MARCHF1: variants seen among roughly 807,000 people sequenced by gnomAD.
MARCHF1 encodes the protein membrane associated ring-CH-type finger 1.
A neutral mutation model predicts 54.2 loss-of-function variants in MARCHF1; 40 were observed. The observed-to-expected ratio is 0.74, with a 90% CI of 0.57 to 0.96. MARCHF1 has a LOEUF of 0.96. Among genes scored for constraint, MARCHF1 ranks in the 40% least tolerant of loss-of-function variants. The pLI is 0.00. For synonymous variants in MARCHF1, 236 were observed against 236.3 expected (o/e 1.00, Z 0.01); for missense variants, 586 against 656.5 (o/e 0.89, Z 1.17).
At chr4:163,759,821 C>A (rs1482293097) in intron 4 of MARCHF1, among the ~76,000 whole-genome samples, 6 of 152,124 alleles carry the variant, frequency 3.9e-5, no homozygotes, top group African/African-American at 7.2e-5. Flanking sequence ...TTTCATCTAA[C>A]TGCACATTTA....
chr4:163,781,077 C>T (rs1410749504), intron 4 of MARCHF1, among the ~76,000 whole-genome samples: 1 of 152,160 alleles, frequency 6.6e-6, no homozygotes, highest in Non-Finnish European at 1.5e-5. Flanking sequence ...GGCACGGTGG[C>T]TCACGCCTAT....
At chr4:163,850,252 A>G (rs2111160296) in intron 4 of MARCHF1, among the ~76,000 whole-genome samples, 1 of 152,328 alleles carries the variant, frequency 6.6e-6, no homozygotes, top group East Asian at 1.9e-4. Flanking sequence ...TCCTAGATCC[A>G]CAGGATCCCA....
At chr4:163,737,980 T>TCAGCGC (rs374591822) in intron 4 of MARCHF1, among the ~76,000 whole-genome samples, 1 of 76,532 alleles carries the variant, frequency 1.3e-5, no homozygotes, top group Admixed American at 1.3e-4. Flanking sequence ...TGCGGCACTA[T>TCAGCGC]TCGCAGCTTT....
chr4:163,966,093 C>T (rs1752438699), intron 3 of MARCHF1, among the ~76,000 whole-genome samples: 1 of 151,946 alleles, frequency 6.6e-6, no homozygotes, highest in Non-Finnish European at 1.5e-5. Context: ...GATTTTGTTT[C>T]AAAGAACTGA....
chr4:163,608,645 C>T (rs1482668702), intron 7 of MARCHF1, among the ~76,000 whole-genome samples: 1 of 151,922 alleles, frequency 6.6e-6, no homozygotes, highest in Non-Finnish European at 1.5e-5. Context: ...AGTTAAATTC[C>T]CTCTAAGGTA....
At chr4:163,755,745 C>G (rs28529074) in intron 4 of MARCHF1, among the ~76,000 whole-genome samples, 16,153 of 151,512 alleles carry the variant, frequency 0.11, 1,692 homozygotes, top group African/African-American at 0.28. Flanking sequence ...GTTATAATAA[C>G]AGAGACAGCA....
At chr4:163,735,664 A>G (rs759337162) in intron 4 of MARCHF1, among the ~76,000 whole-genome samples, 18 of 152,194 alleles carry the variant, frequency 1.2e-4, no homozygotes, top group Non-Finnish European at 1.2e-4. Context: ...ATCACCTCTT[A>G]TAGACCGCAC....
intron 4 of MARCHF1, among the ~76,000 whole-genome samples, chr4:163,722,529 A>G (rs943532046): frequency 5.3e-5 from 8 of 152,130 alleles, no homozygotes; most frequent in Non-Finnish European, 1.0e-4. Flanking sequence ...GGAGAGTTCT[A>G]TAGATGTCTA....
intron 4 of MARCHF1, among the ~76,000 whole-genome samples, chr4:163,710,993 A>ACT (rs1418892934): frequency 1.3e-5 from 2 of 152,072 alleles, no homozygotes; most frequent in African/African-American, 4.8e-5. Flanking sequence ...GTTTTATATG[A>ACT]CTATGTTCAC....
At chr4:163,795,142 TTCAG>T (rs1747877595) in intron 4 of MARCHF1, among the ~76,000 whole-genome samples, 1 of 152,230 alleles carries the variant, frequency 6.6e-6, no homozygotes, top group Non-Finnish European at 1.5e-5. Context: ...TTAGTCTTCT[TTCAG>T]TGTCTTTCAA....
At chr4:164,375,226 C>A (rs1165237577) in intron 1 of MARCHF1, among the ~76,000 whole-genome samples, 1 of 152,060 alleles carries the variant, frequency 6.6e-6, no homozygotes, top group East Asian at 1.9e-4. Flanking sequence ...TTGTGTGTTA[C>A]ACTATTAAAA....
At chr4:163,675,919 T>C (rs28690325) in intron 5 of MARCHF1, among the ~76,000 whole-genome samples, 2,769 of 152,278 alleles carry the variant, frequency 0.018, 85 homozygotes, top group African/African-American at 0.061. Flanking sequence ...TCATGCTATA[T>C]TTAATACAAA....
chr4:163,671,842 T>C (rs950431145), intron 5 of MARCHF1, among the ~76,000 whole-genome samples: 14 of 152,178 alleles, frequency 9.2e-5, no homozygotes, highest in Non-Finnish European at 1.5e-5. Flanking sequence ...CTATTTTTTT[T>C]CTAAAGATAA....
intron 1 of MARCHF1, among the ~76,000 whole-genome samples, chr4:164,290,156 T>TAGTG (rs1276461026): frequency 1.7e-4 from 26 of 152,084 alleles, no homozygotes; most frequent in African/African-American, 4.6e-4. Context: ...CCACTAGAAA[T>TAGTG]GTACTCTTTC....
At chr4:163,544,395 C>T (rs998177102) in intron 9 of MARCHF1, among the ~76,000 whole-genome samples, 3 of 152,312 alleles carry the variant, frequency 2.0e-5, no homozygotes, top group Non-Finnish European at 2.9e-5. Context: ...AGACTCGACA[C>T]GGTAGTGCTT....
intron 5 of MARCHF1, among the ~76,000 whole-genome samples, chr4:163,641,719 T>G (rs537428054): frequency 3.9e-5 from 6 of 152,318 alleles, no homozygotes; most frequent in African/African-American, 1.4e-4. Context: ...AAGGCAACTT[T>G]CTATGCTAGT....
At chr4:163,745,822 T>C (rs1449588808) in intron 4 of MARCHF1, among the ~76,000 whole-genome samples, 2 of 149,548 alleles carry the variant, frequency 1.3e-5, no homozygotes, top group African/African-American at 2.5e-5. Flanking sequence ...AGTTTAGTAA[T>C]GCATAGTCTT....
intron 3 of MARCHF1, among the ~76,000 whole-genome samples, chr4:163,908,058 C>T (rs1751109861): frequency 6.6e-6 from 1 of 152,092 alleles, no homozygotes; most frequent in African/African-American, 2.4e-5. Context: ...CTGAAGTTGG[C>T]ATGCATATGA....
chr4:164,028,015 T>TA (rs1311933583), intron 2 of MARCHF1, among the ~76,000 whole-genome samples: 3 of 152,042 alleles, frequency 2.0e-5, no homozygotes, highest in Admixed American at 1.3e-4. Context: ...AAATGCAAGT[T>TA]AAAACCACAA....
Sources: gnomAD v4.1 joint callset for allele counts (sites outside exome capture counted in the v4.1 genomes callset) on GRCh38, gnomAD v4.1.1 for gene constraint, MANE v1.5 for transcripts, NCBI Gene and HGNC (gene_info 2026-07-23, HGNC 2026-07-21) for gene names.